Variants in MMAB observed in about 807,000 individuals in gnomAD.
The protein encoded by MMAB is metabolism of cobalamin associated B.
A neutral mutation model predicts 30.6 loss-of-function variants in MMAB; 17 were observed. The ratio of observed to expected loss-of-function variants is 0.56; its 90% CI spans 0.38 to 0.83. The LOEUF (loss-of-function observed/expected upper bound fraction) is 0.83, where lower values mean the gene tolerates loss of function less well. Among genes scored for constraint, MMAB ranks in the 40% least tolerant of loss-of-function variants. MMAB has a pLI of 0.00. For missense variants in MMAB, 311 were observed against 331.6 expected (o/e 0.94, Z 0.48); for synonymous variants, 134 against 138.6 (o/e 0.97, Z 0.23).
chr12:109,568,598 C>A, intron 3 of MMAB, 172 bp downstream of exon 3: 1 of 690,180 alleles, frequency 1.4e-6, no homozygotes, highest in Admixed American at 2.1e-5. Flanking sequence ...AAGGAGTCTG[C>A]AGCCCCACAG....
intron 7 of MMAB, 53 bp downstream of exon 7, chr12:109,560,987 C>T: frequency 9.2e-7 from 1 of 1,083,626 alleles, no homozygotes; most frequent in Non-Finnish European, 1.4e-6. Flanking sequence ...CCCCCCTCCC[C>T]CTTGTTCCTC....
intron 4 of MMAB, among the ~76,000 whole-genome samples, chr12:109,564,559 T>TA (rs201566059): frequency 0.081 from 10,375 of 127,578 alleles, 410 homozygotes; most frequent in Admixed American, 0.12. Context: ...AATTTTTAAT[T>TA]TTTTTTTTTT....
Position 109,554,790 on chromosome 12 carries a change from A to G in MMAB, c.*2238T>C, listed in dbSNP as rs1883903978. The G allele has an allele frequency of 2.2e-6, 1 of 454,008 alleles. No homozygotes were observed. The highest frequency in any genetic ancestry group is 4.4e-6 in the Non-Finnish European group (1 of 226,812). 28.1% of individuals were successfully genotyped at this position (454,008 alleles called of 1,614,324 possible). ...GAGCTTTTGAAAGGCACTGCAGAAG[A>G]GCAAATGTTTTAAACACCCCATCCT... is the stretch of plus-strand genomic sequence containing the variant. On this transcript the variant is annotated 3_prime_UTR_variant, in exon 9 of 9. Coordinates refer to ENST00000545712, the MANE Select transcript of MMAB (RefSeq NM_052845.4).
chr12:109,571,870 C>T (rs1884644773), intron 1 of MMAB, among the ~76,000 whole-genome samples, 160 bp from the exon 2 acceptor site: 1 of 152,196 alleles, frequency 6.6e-6, no homozygotes, highest in South Asian at 2.1e-4. Context: ...CCCCTAGATC[C>T]TTTCTAATAG....
At chr12:109,562,904 A>G (rs1277534638) in intron 4 of MMAB, among the ~76,000 whole-genome samples, 1 of 152,178 alleles carries the variant, frequency 6.6e-6, no homozygotes, top group African/African-American at 2.4e-5. Flanking sequence ...CATGCATGTG[A>G]AGACCACAAG....
rs779556526 is a variant in MMAB at position 109,561,090 on chromosome 12, G to C, written c.534C>G (p.Ile178Met). The change falls in exon 7 of 9, where the codon ATC becomes ATG. Residue 178 changes from isoleucine (I) to methionine (M), a missense_variant. Physicochemically the swap from Ile to Met is conservative, Grantham distance 10. Transcript: ENST00000545712. The surrounding 1 kb of genome is among the most constrained non-coding windows in gnomAD (Gnocchi z 5.3). ...CCCGGCAGAAATGCAGCGCCGAGCT[G>C]ATCTTGCCTCCCGACTGAAAGGAGA... is the stretch of plus-strand genomic sequence containing the variant. Reference protein sequence around the residue: ...TAFILPSGGKISSALHFCRAV... With the variant: ...TAFILPSGGKMSSALHFCRAV... 6.2e-7 allele frequency: 1 copy of C among 1,610,702 alleles called. No homozygotes were observed. Among genetic ancestry groups the C allele is most frequent in the South Asian group, 1.1e-5 (1 of 91,078 alleles).
At position 109,569,135 on chromosome 12, in the gene MMAB, G is replaced by A. The variant is rs558983515; in HGVS notation, c.197-272C>T. On this transcript the variant is annotated intron_variant, in intron 2 of 8. Coordinates refer to ENST00000545712, the MANE Select transcript of MMAB (RefSeq NM_052845.4). This position sits in a 1 kb window ranked among gnomAD's most constrained non-coding sequence, Gnocchi z 4.1. ...TAATTTTTGTATTTTTAGTAGAGACGGGTTTTCGCCCATGTTGGCCGAGCT... is the reference window on the plus strand; with the variant it reads ...TAATTTTTGTATTTTTAGTAGAGACAGGTTTTCGCCCATGTTGGCCGAGCT... Among the ~76,000 whole-genome samples the A allele has an allele frequency of 1.6e-4, 24 of 152,048 alleles. No homozygotes were observed. Among genetic ancestry groups the A allele is most frequent in the Non-Finnish European group, 2.5e-4 (17 of 67,992 alleles).
rs1179682827 is a variant in MMAB at position 109,569,813 on chromosome 12, C to T, written c.197-950G>A. 1.3e-5 allele frequency among the ~76,000 whole-genome samples: 2 copies of T among 152,216 alleles called. No homozygotes were observed. Among genetic ancestry groups the T allele is most frequent in the Non-Finnish European group, 2.9e-5 (2 of 68,044 alleles). ...GTTCGAGACCAAGACAAGGCCACTGCGGAAGAACGTCTGAGCACAGACGAC... is the reference window on the plus strand; with the variant it reads ...GTTCGAGACCAAGACAAGGCCACTGTGGAAGAACGTCTGAGCACAGACGAC... On this transcript the variant is annotated intron_variant, in intron 2 of 8. Coordinates refer to ENST00000545712, the MANE Select transcript of MMAB (RefSeq NM_052845.4). This position sits in a 1 kb window ranked among gnomAD's most constrained non-coding sequence, Gnocchi z 4.1.
chr12:109,568,629 T>C (rs978394355), intron 3 of MMAB, 141 bp downstream of exon 3: 3 of 757,270 alleles, frequency 4.0e-6, no homozygotes, highest in Non-Finnish European at 4.8e-6. Context: ...CTGACCAGCC[T>C]GTGCTTCAGG....
In MMAB at chr12:109,561,280, A is replaced by AC; in HGVS notation, c.519+139dup. The stretch of plus-strand genomic sequence containing the variant: ...TCCAGAGTGGGCAGGGCTGGGAGGG[A>AC]CCGGTGAGGACCTGGAGGGACTTGG... On this transcript the variant is annotated intron_variant, in intron 6 of 8. Transcript: ENST00000545712. The surrounding 1 kb of genome is among the most constrained non-coding windows in gnomAD (Gnocchi z 5.3). 6.4e-7 allele frequency: 1 copy of AC among 1,574,176 alleles called. No individual in the cohort carries two copies. Among genetic ancestry groups the AC allele is most frequent in the Non-Finnish European group, 8.6e-7 (1 of 1,167,828 alleles).
chr12:109,562,793 G>A (rs1195056184), intron 4 of MMAB, among the ~76,000 whole-genome samples: 1 of 152,210 alleles, frequency 6.6e-6, no homozygotes, highest in Non-Finnish European at 1.5e-5. Flanking sequence ...TGAGGCCTGT[G>A]CTCTGTCCAG....
At chr12:109,566,235 C>T (rs754179) in intron 3 of MMAB, among the ~76,000 whole-genome samples, 47,113 of 152,144 alleles carry the variant, frequency 0.31, 7,641 homozygotes, top group African/African-American at 0.41. Context: ...TGGCTGGACC[C>T]ACCTGAATGC....
At position 109,568,758 on chromosome 12, in the gene MMAB, T is replaced by C. The variant is rs1427905618; in HGVS notation, c.290+12A>G. ...TCAAACGCAACCTCAAGGCCAATCCTGTCCCCCTTACCCAATAGCTGAACT... is the reference window on the plus strand; with the variant it reads ...TCAAACGCAACCTCAAGGCCAATCCCGTCCCCCTTACCCAATAGCTGAACT... On this transcript the variant is annotated intron_variant, in intron 3 of 8. Coordinates refer to ENST00000545712, the MANE Select transcript of MMAB (RefSeq NM_052845.4). The C allele has an allele frequency of 3.1e-6, 5 of 1,607,648 alleles. No individual in the cohort carries two copies. The Admixed American group carries it at 6.7e-5, about 21-fold the overall frequency.
chr12:109,568,902 T>C, intron 2 of MMAB, 39 bp from the exon 3 acceptor site: 1 of 1,452,352 alleles, frequency 6.9e-7, no homozygotes, highest in Non-Finnish European at 9.7e-7. Context: ...ATTAAGATTC[T>C]GTTTTCCTGA....
Position 109,561,063 on chromosome 12 carries a change from G to A in MMAB, c.561C>T (p.Ala187=), listed in dbSNP as rs370773720. ...KISSALHFCR[A]VCRRAERRVV... ...ACCGTCTCTCGGCCCGGCGGCACAC[G>A]GCCCGGCAGAAATGCAGCGCCGAGC... Residue 187 remains alanine, a synonymous_variant, in exon 7 of 9, where the codon GCC becomes GCT. Transcript: ENST00000545712. The surrounding 1 kb of genome is among the most constrained non-coding windows in gnomAD (Gnocchi z 5.3). 68 of 1,539,668 alleles carry A rather than the reference G, an allele frequency of 4.4e-5. No homozygotes were observed. The highest frequency in any genetic ancestry group is 1.2e-4 in the Admixed American group (7 of 57,236).
intron 3 of MMAB, chr12:109,567,284 A>C: frequency 2.9e-6 from 1 of 345,930 alleles, no homozygotes; most frequent in East Asian, 7.5e-5. Flanking sequence ...AAGAACAGTG[A>C]GATGGGAATT....
chr12:109,568,495 A>G (rs1374785094), intron 3 of MMAB: 2 of 571,734 alleles, frequency 3.5e-6, no homozygotes, highest in African/African-American at 3.8e-5. Context: ...AGTGGCACAC[A>G]CAGGCTCACC....
intron 1 of MMAB, 35 bp downstream of exon 1, chr12:109,573,312 A>G: frequency 6.2e-7 from 1 of 1,611,910 alleles, no homozygotes; most frequent in Non-Finnish European, 8.5e-7. Context: ...GATTCACGGC[A>G]GGTGTTCGAG....
intron 3 of MMAB, among the ~76,000 whole-genome samples, chr12:109,565,880 A>G (rs1434725081): frequency 6.6e-6 from 1 of 152,076 alleles, no homozygotes; most frequent in East Asian, 1.9e-4. Flanking sequence ...ACAGGTCAGG[A>G]CCCTGGCTCT....
Sources: allele counts gnomAD v4.1 joint callset (sites outside exome capture counted in the v4.1 genomes callset), GRCh38; gene constraint gnomAD v4.1.1; non-coding constraint Gnocchi (gnomAD v3.1); transcripts MANE v1.5; gene names NCBI Gene and HGNC (gene_info 2026-07-23, HGNC 2026-07-21).